Variants in EFCAB8 observed in about 807,000 individuals in gnomAD.
The protein encoded by EFCAB8 is EF-hand calcium binding domain 8, also known as EF-hand calcium-binding domain-containing protein 8.
Under a neutral mutation model 116.3 loss-of-function variants are expected in EFCAB8, and 100 were observed. The ratio of observed to expected loss-of-function variants is 0.86; its 90% confidence interval spans 0.73 to 1.02. EFCAB8 has a LOEUF of 1.02. Among genes scored for constraint, EFCAB8 ranks in the 50% least tolerant of loss-of-function variants. The probability of loss-of-function intolerance (pLI) is 0.00; values close to 1 mark genes in which losing one functional copy is unlikely to be tolerated. For synonymous variants in EFCAB8, 558 were observed against 567.9 expected (o/e 0.98, Z 0.25); for missense variants, 1,320 against 1,416.9 (o/e 0.93, Z 1.10).
intron 22 of EFCAB8, 106 bp downstream of exon 22, chr20:32,931,442 A>G: frequency 7.5e-7 from 1 of 1,341,248 alleles, no homozygotes; most frequent in South Asian, 1.7e-5. Context: ...TTACTAAAAG[A>G]TAAGAGCAAA....
Position 32,885,529 on chromosome 20 carries a change from G to A in EFCAB8, c.456G>A (p.Lys152=). ...VPLNHGCEVV[K]VVFLIHRFKK... ...GGAACCATGGCTGTGAGGTGGTGAA[G>A]GTGGTGTTTTTAATCCACCGGTTCA... Residue 152 remains lysine, a synonymous_variant, in exon 6 of 27, where the codon AAG becomes AAA. Coordinates refer to ENST00000400522, the MANE Select transcript of EFCAB8 (RefSeq NM_001143967.2). 3 of 1,551,748 alleles carry A rather than the reference G, an allele frequency of 1.9e-6. No individual in the cohort carries two copies. Among genetic ancestry groups the A allele is most frequent in the African/African-American group, 1.4e-5 (1 of 73,164 alleles).
intron 4 of EFCAB8, among the ~76,000 whole-genome samples, chr20:32,877,836 T>C (rs748431756): frequency 3.0e-4 from 45 of 152,150 alleles, no homozygotes; most frequent in Non-Finnish European, 5.0e-4. Context: ...TTATTATCCA[T>C]AGGGGAGAGT....
chr20:32,874,348 G>A (rs933971655), intron 3 of EFCAB8, among the ~76,000 whole-genome samples: 2 of 151,532 alleles, frequency 1.3e-5, no homozygotes, highest in Non-Finnish European at 2.9e-5. Flanking sequence ...TCAGTCTCTC[G>A]ACCAGCTGGG....
chr20:32,909,967 G>A, intron 15 of EFCAB8, 36 bp downstream of exon 15: 2 of 1,149,766 alleles, frequency 1.7e-6, no homozygotes, highest in Non-Finnish European at 2.2e-6. Context: ...AGGCTGGCGG[G>A]AACACCAGGT....
Position 32,917,346 on chromosome 20 carries a change from C to G in EFCAB8, c.1902C>G (p.Thr634=), listed in dbSNP as rs139897962. The change falls in exon 18 of 27, where the codon ACC becomes ACG. Residue 634 remains threonine, a synonymous_variant. Coordinates refer to ENST00000400522, the MANE Select transcript of EFCAB8 (RefSeq NM_001143967.2). ...TGCTCTTGTGCTACCACTGGCAGAC[C>G]TACCACACGGAGGACATCCTGAGCA... ...KPVLLCYHWQ[T]YHTEDILSMA... 1,716 of 1,551,742 alleles carry G rather than the reference C, an allele frequency of 1.1e-3. 6 individuals carry two copies. In the African/African-American group the frequency reaches 0.013, roughly 12 times the overall value.
chr20:32,958,617 TCCTGGGAAG>T, intron 24 of EFCAB8, 67 bp downstream of exon 24: 1 of 409,566 alleles, frequency 2.4e-6, no homozygotes. Context: ...TCTTCCCAGG[TCCTGGGAAG>T]CCTCTACCTG....
intron 22 of EFCAB8, among the ~76,000 whole-genome samples, chr20:32,933,824 C>T (rs907819963): frequency 1.3e-5 from 2 of 151,938 alleles, no homozygotes; most frequent in Non-Finnish European, 2.9e-5. Context: ...ACTAAAAATA[C>T]AAAATTAGCC....
chr20:32,918,627 T>C, intron 19 of EFCAB8, 53 bp downstream of exon 19: 2 of 1,505,554 alleles, frequency 1.3e-6, no homozygotes, highest in Non-Finnish European at 1.8e-6. Flanking sequence ...GCCGCCGGCG[T>C]TCACACACCG....
At chr20:32,865,254 G>A (rs150365248) in intron 2 of EFCAB8, among the ~76,000 whole-genome samples, 6 of 152,286 alleles carry the variant, frequency 3.9e-5, no homozygotes, top group Non-Finnish European at 7.4e-5. Flanking sequence ...CCATTTGAGC[G>A]AGAGTCTGAA....
At chr20:32,911,373 C>T (rs1419042361) in intron 15 of EFCAB8, 107 bp from the exon 16 acceptor site, 1 of 1,001,632 alleles carries the variant, frequency 1.0e-6, no homozygotes, top group Non-Finnish European at 1.4e-6. Context: ...CCCTGAACGT[C>T]TGTTTTCTCA....
chr20:32,861,434 A>G (rs564736307), intron 1 of EFCAB8, among the ~76,000 whole-genome samples: 2 of 152,290 alleles, frequency 1.3e-5, no homozygotes, highest in Non-Finnish European at 2.9e-5. Flanking sequence ...GATTACAGGC[A>G]TCCACCACCA....
chr20:32,892,745 C>A (rs1037965456), intron 8 of EFCAB8, among the ~76,000 whole-genome samples: 3 of 152,032 alleles, frequency 2.0e-5, no homozygotes, highest in Admixed American at 2.0e-4. Flanking sequence ...TGGGCAAGGC[C>A]GGAAAGTGTT....
Position 32,917,282 on chromosome 20 carries a change from C to T in EFCAB8, c.1857-19C>T, listed in dbSNP as rs1352636552. On this transcript the variant is annotated intron_variant, in intron 17 of 26. Coordinates refer to ENST00000400522, the MANE Select transcript of EFCAB8 (RefSeq NM_001143967.2). ...ACAGGCTGAGCTCTCAGCCCTCCTGCCTCTGGCCATATGCACAGGTTCCAC... is the reference window on the plus strand; with the variant it reads ...ACAGGCTGAGCTCTCAGCCCTCCTGTCTCTGGCCATATGCACAGGTTCCAC... The T allele has an allele frequency of 1.0e-5, 16 of 1,536,810 alleles. No homozygotes were observed. The highest frequency in any genetic ancestry group is 1.3e-5 in the Non-Finnish European group (15 of 1,134,270).
At chr20:32,894,806 C>G (rs1267918951) in intron 9 of EFCAB8, among the ~76,000 whole-genome samples, 1 of 152,248 alleles carries the variant, frequency 6.6e-6, no homozygotes, top group Non-Finnish European at 1.5e-5. Context: ...TCCCTGCCCT[C>G]CCTCACAGCC....
At chr20:32,931,055 A>G in intron 21 of EFCAB8, 123 bp from the exon 22 acceptor site, 1 of 786,568 alleles carries the variant, frequency 1.3e-6, no homozygotes, top group Non-Finnish European at 2.0e-6. Context: ...TATCTCAGAG[A>G]TGTAAGTAAG....
chr20:32,892,050 G>C (rs1160771829), intron 7 of EFCAB8, among the ~76,000 whole-genome samples, 163 bp from the exon 8 acceptor site: 1 of 152,114 alleles, frequency 6.6e-6, no homozygotes, highest in Admixed American at 6.6e-5. Context: ...TGGGGTTCCC[G>C]GTGGGTGGGT....
chr20:32,953,365 A>G (rs1023962798), intron 23 of EFCAB8, among the ~76,000 whole-genome samples: 2 of 152,222 alleles, frequency 1.3e-5, no homozygotes, highest in African/African-American at 4.8e-5. Flanking sequence ...GCTGGATCAT[A>G]TGGTAGTTCT....
chr20:32,960,980 C>G (rs1939232607), intron 26 of EFCAB8, among the ~76,000 whole-genome samples, 156 bp from the exon 27 acceptor site: 1 of 152,210 alleles, frequency 6.6e-6, no homozygotes, highest in African/African-American at 2.4e-5. Flanking sequence ...GGCCCGCAGG[C>G]CACGGTGGTT....
chr20:32,888,178 C>T (rs900353302), intron 6 of EFCAB8, among the ~76,000 whole-genome samples: 23 of 152,070 alleles, frequency 1.5e-4, no homozygotes, highest in East Asian at 3.9e-4. Flanking sequence ...ATCTTTCCAC[C>T]TCAGCCTCCC....
Sources: gnomAD v4.1 joint callset for allele counts (sites outside exome capture counted in the v4.1 genomes callset) on GRCh38, gnomAD v4.1.1 for gene constraint, MANE v1.5 for transcripts, NCBI Gene and HGNC (gene_info 2026-07-23, HGNC 2026-07-21) for gene names.